GABRE: variants seen among roughly 807,000 people sequenced by gnomAD.
The protein encoded by GABRE is gamma-aminobutyric acid receptor subunit epsilon.
In GABRE, 20 loss-of-function variants were observed where a neutral mutation model predicts 31.0. That is an observed-to-expected ratio of 0.64 (90% CI 0.45 to 0.94). GABRE has a LOEUF of 0.94. Ranked by LOEUF, GABRE falls within the 40% of genes least tolerant of loss-of-function variation. GABRE has a pLI of 0.00. For synonymous variants in GABRE, 155 were observed against 150.6 expected, an observed-to-expected ratio of 1.03 and a Z score of -0.21; for missense variants, 420 against 410.7, an observed-to-expected ratio of 1.02 and a Z score of -0.20.
At chrX:151,956,107 T>C (rs1460602844) in intron 6 of GABRE, 2 of 364,298 alleles carry the variant, frequency 5.5e-6, no homozygotes, top group Non-Finnish European at 9.4e-6. Flanking sequence ...CAGTTCACTG[T>C]CCTACACCCA....
At chrX:151,957,758 C>A in intron 6 of GABRE, 4 of 217,460 alleles carry the variant, frequency 1.8e-5, no homozygotes, top group African/African-American at 2.9e-5. Context: ...GGCTGATGAA[C>A]CAAAGCAAAA....
rs1410640317 is a variant in GABRE, at chrX:151,970,390, A to T, written c.69T>A (p.Pro23=). The T allele has an allele frequency of 8.3e-7, 1 of 1,210,604 alleles. No individual in the cohort carries two copies. The highest frequency in any genetic ancestry group is 2.2e-5 in the Admixed American group (1 of 46,048). ...LLILQSRVEG[P]QTESKNEASS... is the part of the protein sequence containing the mutation. ...AGGCTTCATTCTTTGATTCAGTCTG[A>T]GGTCCCTCGACCCTAGAACATTCAA... is the stretch of plus-strand genomic sequence containing the variant. The change falls in exon 2 of 9, where the codon CCT becomes CCA. Residue 23 remains proline (P), a synonymous_variant. Transcript: ENST00000370328.
intron 3 of GABRE, among the ~76,000 whole-genome samples, chrX:151,968,362 A>G (rs772621241): frequency 7.1e-5 from 8 of 112,561 alleles, no homozygotes; most frequent in African/African-American, 2.6e-4. Flanking sequence ...TTGTTGTTTT[A>G]AGACACTATG....
intron 6 of GABRE, chrX:151,958,351 G>A (rs918295015): frequency 2.6e-5 from 6 of 234,261 alleles, no homozygotes; most frequent in Non-Finnish European, 4.7e-5. Flanking sequence ...CTTAATCGCC[G>A]AGCACGTAAG....
chrX:151,957,977 G>A (rs559112210), intron 6 of GABRE: 2 of 118,865 alleles, frequency 1.7e-5, no homozygotes, highest in Non-Finnish European at 3.5e-5. Context: ...GATCCATGCC[G>A]GGAATGATGA....
rs762395449 is a variant in GABRE at position 151,962,527 on chromosome X, C to T, written c.459G>A (p.Pro153=). 6.5e-5 allele frequency: 79 copies of T among 1,208,692 alleles called. No individual in the cohort carries two copies. The highest frequency in any genetic ancestry group is 8.8e-5 in the South Asian group (5 of 56,733). Residue 153 remains proline (P), a synonymous_variant, in exon 4 of 9, where the codon CCG becomes CCA. Coordinates refer to ENST00000370328, the MANE Select transcript of GABRE (RefSeq NM_004961.4). ...NGNVVSQLWI[P]DTFFRNSKRT... is the part of the protein sequence containing the mutation. ...TCTTAGAATTCCTAAAAAAGGTGTC[C>T]GGGATCCATAGCTGGCTCACCACAT...
chrX:151,962,880 G>A (rs1934425636), intron 3 of GABRE, among the ~76,000 whole-genome samples: 1 of 111,482 alleles, frequency 9.0e-6, no homozygotes, highest in African/African-American at 3.3e-5. Flanking sequence ...GATCCCAAAT[G>A]AGAAGTCAGT....
intron 6 of GABRE, chrX:151,958,244 G>A (rs1361274876): frequency 6.0e-6 from 1 of 167,660 alleles, no homozygotes; most frequent in Non-Finnish European, 1.1e-5. Flanking sequence ...TCTCTCTGGA[G>A]GCAGGGCTGG....
At position 151,970,263 on chromosome X, in the gene GABRE, C is replaced by T. The variant is rs147310301; in HGVS notation, c.196G>A (p.Gly66Ser). 7.2e-4 allele frequency: 873 copies of T among 1,210,554 alleles called. No individual in the cohort carries two copies. Among genetic ancestry groups the T allele is most frequent in the Non-Finnish European group, 9.3e-4 (837 of 895,409 alleles). Residue 66 changes from glycine (G) to serine (S), a missense_variant, in exon 2 of 9, where the codon GGC (glycine) becomes AGC (serine). Transcript: ENST00000370328. ...STETETGSRV[G>S]KLPEASRILN... ...ATGCGAGAGGCTTCTGGCAGTTTGC[C>T]AACTCTGCTCCCAGTCTCAGTCTCA... is the stretch of plus-strand genomic sequence containing the variant.
rs61730038 is a variant in GABRE, at chrX:151,970,359, G to C, written c.100C>G (p.Arg34Gly). 14 of 1,209,419 alleles carry C rather than the reference G, an allele frequency of 1.2e-5. No homozygotes were observed. The highest frequency in any genetic ancestry group is 7.0e-5 in the African/African-American group (4 of 57,168). Reference protein sequence around the residue: ...QTESKNEASSRDVVYGPQPQP... With the variant: ...QTESKNEASSGDVVYGPQPQP... ...GGCTGGGGGCCATAGACAACATCAC[G>C]GGAAGAGGCTTCATTCTTTGATTCA... The change falls in exon 2 of 9, where the codon CGT (arginine) becomes GGT (glycine). Residue 34 changes from arginine to glycine, a missense_variant. Physicochemically the swap from Arg to Gly is moderately radical, Grantham distance 125 (BLOSUM62 -2). Coordinates refer to ENST00000370328, the MANE Select transcript of GABRE (RefSeq NM_004961.4).
chrX:151,954,857 C>A lies in GABRE; in HGVS notation c.1365G>T (p.Lys455Asn). ...CACAATCGGGGACCATGCAGAAGTA[C>A]TTCTTAAAACGCTTGCACCACTCAC... ...ACCEWCKRFK[K>N]YFCMVPDCEG... Residue 455 changes from lysine (K) to asparagine (N), a missense_variant, in exon 9 of 9, where the codon AAG becomes AAT. Transcript: ENST00000370328. 1 of 1,211,865 alleles carries A rather than the reference C, an allele frequency of 8.3e-7. No individual in the cohort carries two copies. The highest frequency in any genetic ancestry group is 1.1e-6 in the Non-Finnish European group (1 of 895,542).
intron 8 of GABRE, 121 bp downstream of exon 8, chrX:151,955,247 C>T: frequency 8.4e-7 from 1 of 1,194,534 alleles, no homozygotes; most frequent in Non-Finnish European, 1.1e-6. Context: ...ACCCCGCCAC[C>T]ACCCTGGGTA....
chrX:151,971,252 G>A (rs747086509), intron 1 of GABRE: 17 of 344,129 alleles, frequency 4.9e-5, no homozygotes, highest in Middle Eastern at 4.3e-4. Context: ...TTACACCGCT[G>A]TGGTCATATT....
At chrX:151,966,029 C>G (rs1934514119) in intron 3 of GABRE, among the ~76,000 whole-genome samples, 1 of 112,672 alleles carries the variant, frequency 8.9e-6, no homozygotes, top group African/African-American at 3.2e-5. Flanking sequence ...GCCTCGTGAA[C>G]TGCTTGGTAG....
At chrX:151,961,415 T>C in intron 4 of GABRE, 50 bp from the exon 5 acceptor site, 1 of 884,208 alleles carries the variant, frequency 1.1e-6, no homozygotes, top group South Asian at 2.1e-5. Context: ...CACTTCCGTA[T>C]CCACCCAGCT....
rs868424227 is a variant in GABRE, at chrX:151,968,438, C to G, written c.342+1231G>C. On this transcript the variant is annotated intron_variant, in intron 3 of 8. Transcript: ENST00000370328. ...TGCCTGAAGAATCAGGCAGCCAAAG[C>G]CTCATGGTTTGGGAGTGGGGAACCT... Among the ~76,000 whole-genome samples, 5 of 112,514 alleles carry G rather than the reference C, an allele frequency of 4.4e-5. 1 individual carries two copies. The highest frequency in any genetic ancestry group is 9.4e-5 in the Non-Finnish European group (5 of 53,291).
intron 3 of GABRE, among the ~76,000 whole-genome samples, chrX:151,967,977 G>A (rs1190200633): frequency 8.9e-6 from 1 of 112,613 alleles, no homozygotes; most frequent in Non-Finnish European, 1.9e-5. Flanking sequence ...ATCTGATGAG[G>A]AGAATACCAC....
At chrX:151,969,368 C>G (rs759940771) in intron 3 of GABRE, 1 of 201,595 alleles carries the variant, frequency 5.0e-6, no homozygotes, top group Non-Finnish European at 9.0e-6. Flanking sequence ...TATGTCCATA[C>G]AATAATTATC....
chrX:151,972,353 C>T (rs1296252910), intron 1 of GABRE: 1 of 751,581 alleles, frequency 1.3e-6, no homozygotes, highest in Non-Finnish European at 1.6e-6. Context: ...AGGCCAAACT[C>T]CCAGCCATCT....
Sources: allele counts gnomAD v4.1 joint callset (sites outside exome capture counted in the v4.1 genomes callset), GRCh38; gene constraint gnomAD v4.1.1; transcripts MANE v1.5; gene names NCBI Gene and HGNC (gene_info 2026-07-23, HGNC 2026-07-21).